Variants in ADCY1 observed in about 807,000 individuals in gnomAD.
ADCY1 encodes the protein adenylate cyclase type 1.
ADCY1 carries 28 observed loss-of-function variants against 105.4 expected under a neutral mutation model. The observed-to-expected ratio is 0.27, with a 90% CI of 0.20 to 0.36. The LOEUF (loss-of-function observed/expected upper bound fraction) is 0.36, where lower values mean the gene tolerates loss of function less well. Among genes scored for constraint, ADCY1 ranks in the 10% least tolerant of loss-of-function variants. The pLI is 1.00. For missense variants in ADCY1, 977 were observed against 1,434.2 expected (o/e 0.68, Z 5.15); for synonymous variants, 655 against 623.8 (o/e 1.05, Z -0.75).
At chr7:45,640,113 A>G (rs572389483) in intron 4 of ADCY1, among the ~76,000 whole-genome samples, 15 of 152,240 alleles carry the variant, frequency 9.9e-5, no homozygotes, top group Non-Finnish European at 1.8e-4. Context: ...CCTCCTGGTC[A>G]TAGATGACAA....
chr7:45,680,404 T>TG (rs139698313), intron 11 of ADCY1: 6,543 of 159,602 alleles, frequency 0.041, 169 homozygotes, highest in African/African-American at 0.073. Flanking sequence ...GTGGCTCACT[T>TG]GGAGGACTGT....
chr7:45,683,151 C>T (rs923118367), intron 11 of ADCY1, among the ~76,000 whole-genome samples: 26 of 152,310 alleles, frequency 1.7e-4, no homozygotes, highest in Admixed American at 1.3e-3. Context: ...TTCTCCGCTG[C>T]TTAGGTCACC....
At chr7:45,579,574 C>T (rs1256012138) in intron 1 of ADCY1, among the ~76,000 whole-genome samples, 1 of 152,194 alleles carries the variant, frequency 6.6e-6, no homozygotes, top group East Asian at 1.9e-4. Flanking sequence ...GCTGTGCATC[C>T]ATCTGCCTTG....
intron 7 of ADCY1, among the ~76,000 whole-genome samples, chr7:45,660,903 G>A (rs1795081926): frequency 6.6e-6 from 1 of 150,966 alleles, no homozygotes; most frequent in Non-Finnish European, 1.5e-5. Context: ...GGGCTCGTGA[G>A]GATGCAGGGC....
At chr7:45,657,572 A>G (rs887042524) in intron 5 of ADCY1, among the ~76,000 whole-genome samples, 155 bp from the exon 6 acceptor site, 1 of 152,212 alleles carries the variant, frequency 6.6e-6, no homozygotes, top group Non-Finnish European at 1.5e-5. Flanking sequence ...CTCCATGTCC[A>G]CTGACTATGC....
intron 4 of ADCY1, among the ~76,000 whole-genome samples, chr7:45,637,282 C>T (rs754898685): frequency 1.3e-5 from 2 of 152,156 alleles, no homozygotes; most frequent in Non-Finnish European, 2.9e-5. Context: ...GTTATAAACT[C>T]CATTTTACAT....
In ADCY1 at chr7:45,574,607, G is replaced by T; in HGVS notation, c.64G>T (p.Glu22Ter). The change falls in exon 1 of 20, where the codon GAG becomes TAG. Residue 22 changes from glutamate to a stop codon, truncating the protein, a stop_gained. Coordinates refer to ENST00000297323, the MANE Select transcript of ADCY1 (RefSeq NM_021116.4). LOFTEE classifies it high-confidence loss of function. The surrounding 1 kb of genome is among the most constrained non-coding windows in gnomAD (Gnocchi z 7.0). Reference sequence around the variant, plus strand: ...CGGCGCGGGCGAGCCCGGGGGCGCCGAGCGGGCGGCCGGGACAAGCCGCCG... The same window carrying T: ...CGGCGCGGGCGAGCCCGGGGGCGCCTAGCGGGCGGCCGGGACAAGCCGCCG... ...GGGAGEPGGAERAAGTSRRRG... is the reference protein window; with the variant it reads ...GGGAGEPGGA The T allele has an allele frequency of 8.8e-7, 1 of 1,137,608 alleles. No homozygotes were observed. Among genetic ancestry groups the T allele is most frequent in the South Asian group, 4.2e-5 (1 of 23,530 alleles). The allele number at this position is 1,137,608 out of a possible 1,614,324, so 70.5% of individuals were successfully genotyped here.
At chr7:45,693,117 G>C (rs957789785) in intron 14 of ADCY1, among the ~76,000 whole-genome samples, 1 of 152,144 alleles carries the variant, frequency 6.6e-6, no homozygotes, top group Non-Finnish European at 1.5e-5. Flanking sequence ...CGATAGAATC[G>C]CTGGACAGAA....
intron 14 of ADCY1, among the ~76,000 whole-genome samples, chr7:45,691,282 C>T (rs766067305): frequency 3.3e-5 from 5 of 152,216 alleles, no homozygotes; most frequent in Non-Finnish European, 4.4e-5. Context: ...CTTGTGCATG[C>T]GTGTCACAAG....
chr7:45,617,783 G>A (rs181416975), intron 3 of ADCY1, among the ~76,000 whole-genome samples: 7 of 152,298 alleles, frequency 4.6e-5, no homozygotes, highest in African/African-American at 1.7e-4. Context: ...TTGGAAGAAT[G>A]TTACTAAAAT....
intron 1 of ADCY1, among the ~76,000 whole-genome samples, chr7:45,592,046 G>GTT (rs1182124355): frequency 2.7e-5 from 4 of 148,886 alleles, no homozygotes; most frequent in South Asian, 2.2e-4. Flanking sequence ...GGCTGTTTTC[G>GTT]TTTTTTGTTT....
intron 2 of ADCY1, among the ~76,000 whole-genome samples, chr7:45,596,957 T>G (rs867161253): frequency 1.3e-5 from 2 of 152,160 alleles, no homozygotes; most frequent in African/African-American, 4.8e-5. Flanking sequence ...TGTTTCTTCC[T>G]GGGGGATGAA....
At chr7:45,704,937 C>T (rs1290941114) in intron 17 of ADCY1, among the ~76,000 whole-genome samples, 2 of 150,650 alleles carry the variant, frequency 1.3e-5, no homozygotes, top group South Asian at 2.1e-4. Flanking sequence ...CCTCCCCCAC[C>T]AGCCCCCACC....
chr7:45,574,402 G>T lies in ADCY1; in HGVS notation c.-142G>T, dbSNP rs979961223. 286 of 137,428 alleles carry T rather than the reference G, an allele frequency of 2.1e-3. 2 individuals carry two copies. The highest frequency in any genetic ancestry group is 0.011 in the Middle Eastern group (3 of 262). The allele number at this position is 137,428 out of a possible 1,614,324, so 8.5% of individuals were successfully genotyped here. A position where few individuals can be genotyped will look rare whatever the true frequency, so the allele number is the denominator to read the frequency against. ...CGGGCGCGCGCGCGGGGCAGCCGGC[G>T]CCCCAACTCCGCCCGCCCCGCGCCC... On this transcript the variant is annotated 5_prime_UTR_variant, in exon 1 of 20. Transcript: ENST00000297323. This position sits in a 1 kb window ranked among gnomAD's most constrained non-coding sequence, Gnocchi z 7.0.
At chr7:45,709,557 C>T (rs908296089) in intron 18 of ADCY1, among the ~76,000 whole-genome samples, 10 of 152,216 alleles carry the variant, frequency 6.6e-5, no homozygotes, top group Admixed American at 5.9e-4. Context: ...TTACCATGCC[C>T]ACCTTCCCCA....
rs544059550 is a variant in ADCY1, at chr7:45,688,902, T to G, written c.2454+2229T>G. On this transcript the variant is annotated intron_variant, in intron 14 of 19. Transcript: ENST00000297323. ...ATCAGTTAACACTCCCCATTTCTCCTCAACCCCCAAACCCTAGGCAACTAC... is the reference window on the plus strand; with the variant it reads ...ATCAGTTAACACTCCCCATTTCTCCGCAACCCCCAAACCCTAGGCAACTAC... Among the ~76,000 whole-genome samples, 14 of 151,854 alleles carry G rather than the reference T, an allele frequency of 9.2e-5. No homozygotes were observed. In the South Asian group the frequency reaches 2.9e-3, roughly 32 times the overall value.
intron 14 of ADCY1, among the ~76,000 whole-genome samples, chr7:45,702,439 T>C (rs1316631056): frequency 6.6e-6 from 1 of 152,212 alleles, no homozygotes; most frequent in Non-Finnish European, 1.5e-5. Flanking sequence ...GGCCAGGCCA[T>C]GGGCCGCTCC....
chr7:45,675,849 G>T (rs575961065), intron 8 of ADCY1, among the ~76,000 whole-genome samples: 4 of 152,208 alleles, frequency 2.6e-5, no homozygotes, highest in African/African-American at 9.6e-5. Context: ...CTGTTTCTTT[G>T]AGTTTGCCCT....
At position 45,708,083 on chromosome 7, in the gene ADCY1, TC is replaced by T. The variant is rs1275353660; in HGVS notation, c.2818-264del. Among the ~76,000 whole-genome samples, 1 of 152,206 alleles carries T rather than the reference TC, an allele frequency of 6.6e-6. No homozygotes were observed. The highest frequency in any genetic ancestry group is 1.5e-5 in the Non-Finnish European group (1 of 68,026). ...CAAGCAGGAGTTTGAGCACCTGGTC[TC>T]CCACTCAAAAGGGCTGCCCTGCCCT... On this transcript the variant is annotated intron_variant, in intron 17 of 19. Coordinates refer to ENST00000297323, the MANE Select transcript of ADCY1 (RefSeq NM_021116.4). This position sits in a 1 kb window ranked among gnomAD's most constrained non-coding sequence, Gnocchi z 4.7.
Sources: gnomAD v4.1 joint callset for allele counts (sites outside exome capture counted in the v4.1 genomes callset) on GRCh38, gnomAD v4.1.1 for gene constraint, Gnocchi (gnomAD v3.1) non-coding constraint, MANE v1.5 for transcripts, NCBI Gene and HGNC (gene_info 2026-07-23, HGNC 2026-07-21) for gene names.